RNF216: variants seen among roughly 807,000 people sequenced by gnomAD.
RNF216 encodes the protein ring finger protein 216.
A neutral mutation model predicts 110.8 loss-of-function variants in RNF216; 72 were observed. The ratio of observed to expected loss-of-function variants is 0.65; its 90% CI spans 0.54 to 0.79. The LOEUF is 0.79. Among genes scored for constraint, RNF216 ranks in the 30% least tolerant of loss-of-function variants. The pLI is 0.00. For missense variants in RNF216, 1,342 were observed against 1,141.2 expected (o/e 1.18, Z -2.54); for synonymous variants, 495 against 407.5 (o/e 1.21, Z -2.59).
intron 13 of RNF216, among the ~76,000 whole-genome samples, chr7:5,704,895 C>T (rs189811242): frequency 6.6e-6 from 1 of 152,248 alleles, no homozygotes; most frequent in East Asian, 1.9e-4. Context: ...ATGCTGTTAT[C>T]CATAGGTGAA....
intron 8 of RNF216, 104 bp from the exon 9 acceptor site, chr7:5,721,276 A>T: frequency 9.8e-7 from 1 of 1,021,786 alleles, no homozygotes; most frequent in Non-Finnish European, 1.4e-6. Flanking sequence ...CTTCTCTCTG[A>T]TGGTACGTTT....
chr7:5,739,775 C>T (rs1031837664), intron 4 of RNF216, among the ~76,000 whole-genome samples: 1 of 151,952 alleles, frequency 6.6e-6, no homozygotes, highest in Non-Finnish European at 1.5e-5. Context: ...TCGAGGCAGG[C>T]GGATCACCTG....
At chr7:5,770,322 G>A (rs892737074) in intron 1 of RNF216, among the ~76,000 whole-genome samples, 4 of 151,994 alleles carry the variant, frequency 2.6e-5, no homozygotes, top group Admixed American at 6.6e-5. Flanking sequence ...TTCACCAGGC[G>A]TGGTGGCACA....
chr7:5,719,101 C>T (rs1267470655), intron 9 of RNF216, among the ~76,000 whole-genome samples: 1 of 152,086 alleles, frequency 6.6e-6, no homozygotes, highest in Non-Finnish European at 1.5e-5. Flanking sequence ...AGAAAGTTGG[C>T]AGGGCATGGT....
chr7:5,699,699 G>A (rs1352559158), intron 13 of RNF216, among the ~76,000 whole-genome samples: 8 of 152,230 alleles, frequency 5.3e-5, no homozygotes, highest in Admixed American at 4.6e-4. Context: ...AGGGACTGCT[G>A]CCTTAGCCTG....
chr7:5,742,735 A>G (rs1794833613), intron 3 of RNF216, among the ~76,000 whole-genome samples: 1 of 151,500 alleles, frequency 6.6e-6, no homozygotes. Context: ...AGCTGGGATT[A>G]TAGGCGCACA....
intron 13 of RNF216, among the ~76,000 whole-genome samples, chr7:5,691,624 T>C (rs2128613862): frequency 6.6e-6 from 1 of 152,314 alleles, no homozygotes; most frequent in Non-Finnish European, 1.5e-5. Flanking sequence ...AGGGGCAACA[T>C]GTATGGCAAA....
intron 1 of RNF216, chr7:5,780,108 A>C (rs1042424002): frequency 6.6e-6 from 1 of 152,162 alleles, no homozygotes; most frequent in Non-Finnish European, 1.5e-5. Flanking sequence ...CCTCTAAAAC[A>C]ATGCCAACCC....
intron 3 of RNF216, among the ~76,000 whole-genome samples, chr7:5,744,525 G>T (rs2128656886): frequency 6.6e-6 from 1 of 152,096 alleles, no homozygotes; most frequent in African/African-American, 2.4e-5. Context: ...CTAAATAAGG[G>T]AAAAAACATA....
chr7:5,749,149 A>AT (rs71004700), intron 3 of RNF216, among the ~76,000 whole-genome samples: 109 of 114,992 alleles, frequency 9.5e-4, no homozygotes, highest in African/African-American at 2.0e-3. Context: ...ATGCCCATGT[A>AT]TTTTTTTTTT....
intron 13 of RNF216, among the ~76,000 whole-genome samples, chr7:5,689,938 A>AAAC (rs1791227126): frequency 6.6e-6 from 1 of 151,108 alleles, no homozygotes; most frequent in South Asian, 2.1e-4. Context: ...CTCAAACAAA[A>AAAC]AAAAAAAAAG....
chr7:5,680,991 C>G lies in RNF216; in HGVS notation c.2062-28481G>C, dbSNP rs977120950. ...GCGGAGAGCCTGGACTTCAGGCCAT[C>G]CCACCCCTCACTCCCTCTCATGCTG... On this transcript the variant is annotated intron_variant, in intron 13 of 16. Coordinates refer to ENST00000389902, the MANE Select transcript of RNF216 (RefSeq NM_207111.4). The surrounding 1 kb of genome is among the most constrained non-coding windows in gnomAD (Gnocchi z 4.3). Among the ~76,000 whole-genome samples, 2 of 152,248 alleles carry G rather than the reference C, an allele frequency of 1.3e-5. No homozygotes were observed. Among genetic ancestry groups the G allele is most frequent in the Admixed American group, 6.5e-5 (1 of 15,308 alleles).
At chr7:5,668,120 C>A (rs1789647076) in intron 13 of RNF216, among the ~76,000 whole-genome samples, 1 of 152,106 alleles carries the variant, frequency 6.6e-6, no homozygotes, top group African/African-American at 2.4e-5. Flanking sequence ...GGACATCTTG[C>A]AAGGTACTGT....
intron 13 of RNF216, among the ~76,000 whole-genome samples, chr7:5,711,058 T>C (rs1415494409): frequency 1.3e-5 from 2 of 152,244 alleles, no homozygotes; most frequent in Non-Finnish European, 2.9e-5. Context: ...GGCAAAGATA[T>C]TGCAGTGTTC....
intron 13 of RNF216, chr7:5,662,388 T>A (rs2128586820): frequency 6.6e-6 from 1 of 152,276 alleles, no homozygotes; most frequent in Middle Eastern, 3.4e-3. Context: ...CCATAGTCAC[T>A]CCCTCAACCA....
Position 5,622,988 on chromosome 7 carries a change from G to A in RNF216, c.2644C>T (p.Pro882Ser). 6.2e-7 allele frequency: 1 copy of A among 1,614,080 alleles called. No individual in the cohort carries two copies. Among genetic ancestry groups the A allele is most frequent in the Non-Finnish European group, 8.5e-7 (1 of 1,180,018 alleles). The change falls in exon 17 of 17, where the codon CCT becomes TCT. Residue 882 changes from proline (P) to serine (S), a missense_variant. Coordinates refer to ENST00000389902, the MANE Select transcript of RNF216 (RefSeq NM_207111.4). ...GGGGGCACGTACGGGGCTGGGATAG[G>A]CCCCATGTTGAGTGGGAAGTTGTTG... Reference protein sequence around the residue: ...VFNNFPLNMGPIPAPYVPPLP... With the variant: ...VFNNFPLNMGSIPAPYVPPLP...
chr7:5,672,329 C>G (rs1247525367), intron 13 of RNF216, among the ~76,000 whole-genome samples: 2 of 152,192 alleles, frequency 1.3e-5, no homozygotes, highest in Non-Finnish European at 2.9e-5. Context: ...GTAGTTATAT[C>G]AGTTACTTTG....
At chr7:5,739,809 T>C (rs983768186) in intron 4 of RNF216, among the ~76,000 whole-genome samples, 2 of 151,944 alleles carry the variant, frequency 1.3e-5, no homozygotes, top group African/African-American at 2.4e-5. Context: ...AAAACCAGCC[T>C]GGCCAACATG....
At chr7:5,660,697 C>A (rs1307944796) in intron 13 of RNF216, among the ~76,000 whole-genome samples, 1 of 152,022 alleles carries the variant, frequency 6.6e-6, no homozygotes, top group African/African-American at 2.4e-5. Context: ...CCCACCTCAG[C>A]CTCCCAAGTA....
Sources: allele counts gnomAD v4.1 joint callset (sites outside exome capture counted in the v4.1 genomes callset), GRCh38; gene constraint gnomAD v4.1.1; non-coding constraint Gnocchi (gnomAD v3.1); transcripts MANE v1.5; gene names NCBI Gene and HGNC (gene_info 2026-07-23, HGNC 2026-07-21).